NR1H4: variants seen among roughly 807,000 people sequenced by gnomAD.
NR1H4 encodes nuclear receptor subfamily 1 group H member 4.
Under a neutral mutation model 58.5 loss-of-function variants are expected in NR1H4, and 23 were observed. That is an observed-to-expected ratio of 0.39 (90% confidence interval 0.28 to 0.56). NR1H4 has a LOEUF of 0.56. Among genes scored for constraint, NR1H4 ranks in the 20% least tolerant of loss-of-function variants. The probability of loss-of-function intolerance (pLI) is 0.58; values close to 1 mark genes in which losing one functional copy is unlikely to be tolerated. For synonymous variants in NR1H4, 214 were observed against 198.0 expected, an observed-to-expected ratio of 1.08 and a Z score of -0.68; for missense variants, 487 against 576.9, an observed-to-expected ratio of 0.84 and a Z score of 1.60.
chr12:100,492,058 G>A (rs950206659), intron 1 of NR1H4, among the ~76,000 whole-genome samples: 4 of 152,192 alleles, frequency 2.6e-5, no homozygotes, highest in Non-Finnish European at 5.9e-5. Context: ...CATGGATCAT[G>A]AATGTTTATT....
Position 100,543,772 on chromosome 12 carries a change from G to A in NR1H4, c.1078+2954G>A, listed in dbSNP as rs1406027064. Reference sequence around the variant, plus strand: ...AATCAATAATTGACAGTTCAACTTAGGAAAGAATTAAAGGACAGGCTGAAT... The same window carrying A: ...AATCAATAATTGACAGTTCAACTTAAGAAAGAATTAAAGGACAGGCTGAAT... On this transcript the variant is annotated intron_variant, in intron 9 of 10. Transcript: ENST00000392986. Among the ~76,000 whole-genome samples, 6 of 152,060 alleles carry A rather than the reference G, an allele frequency of 3.9e-5. 1 individual carries two copies. Among genetic ancestry groups the A allele is most frequent in the Non-Finnish European group, 5.9e-5 (4 of 68,002 alleles).
intron 1 of NR1H4, among the ~76,000 whole-genome samples, chr12:100,491,929 C>T (rs1322560009): frequency 1.3e-5 from 2 of 152,120 alleles, no homozygotes; most frequent in Non-Finnish European, 2.9e-5. Context: ...CTCTTCACAT[C>T]CAAACCTCTC....
intron 6 of NR1H4, 136 bp from the exon 7 acceptor site, chr12:100,536,376 A>G: frequency 1.6e-6 from 1 of 638,506 alleles, no homozygotes. Flanking sequence ...CTCTCTTAGA[A>G]CTCATAGTTC....
chr12:100,496,139 G>T (rs970093814), intron 3 of NR1H4, among the ~76,000 whole-genome samples: 3 of 152,252 alleles, frequency 2.0e-5, no homozygotes, highest in South Asian at 2.1e-4. Context: ...CTGACAATAC[G>T]CTGGGCCTTG....
chr12:100,525,827 T>C (rs75936229), intron 4 of NR1H4, among the ~76,000 whole-genome samples: 2,690 of 152,320 alleles, frequency 0.018, 62 homozygotes, highest in African/African-American at 0.055. Flanking sequence ...TAGGCCTATT[T>C]TGATGACCAA....
At chr12:100,498,835 C>T (rs1478938093) in intron 3 of NR1H4, among the ~76,000 whole-genome samples, 2 of 152,132 alleles carry the variant, frequency 1.3e-5, no homozygotes, top group African/African-American at 4.8e-5. Context: ...CCTATACAAT[C>T]CCATTCACTT....
intron 4 of NR1H4, among the ~76,000 whole-genome samples, chr12:100,522,525 C>T (rs1167785404): frequency 6.6e-6 from 1 of 151,598 alleles, no homozygotes; most frequent in Non-Finnish European, 1.5e-5. Context: ...AGCTCTGTAC[C>T]TGGCACTCTT....
chr12:100,548,132 C>T (rs1318745520), intron 9 of NR1H4, among the ~76,000 whole-genome samples: 1 of 150,074 alleles, frequency 6.7e-6, no homozygotes, highest in East Asian at 2.0e-4. Context: ...CTTTGGGAGG[C>T]CGAGGCGGGT....
At chr12:100,507,430 G>A (rs563378710) in intron 3 of NR1H4, among the ~76,000 whole-genome samples, 1 of 151,602 alleles carries the variant, frequency 6.6e-6, no homozygotes, top group African/African-American at 2.4e-5. Context: ...AGACATACTC[G>A]TTTTTTTGTT....
chr12:100,475,124 C>CCCATCTATCTATCTAT (rs1555330006), intron 1 of NR1H4, among the ~76,000 whole-genome samples: 1 of 143,086 alleles, frequency 7.0e-6, no homozygotes, highest in Non-Finnish European at 1.5e-5. Flanking sequence ...AAGTGGTTTA[C>CCCATCTATCTATCTAT]CTATCTATCT....
At position 100,511,231 on chromosome 12, in the gene NR1H4, A is replaced by G. The variant is rs373637338; in HGVS notation, c.445+88A>G. 4.9e-5 allele frequency: 76 copies of G among 1,563,644 alleles called. No homozygotes were observed. In the East Asian group the frequency reaches 1.5e-3, roughly 31 times the overall value. On this transcript the variant is annotated intron_variant, in intron 4 of 10. Coordinates refer to ENST00000392986, the MANE Select transcript of NR1H4 (RefSeq NM_001206979.2). ...TTGAACTAATTGCTTCCCTTTTCCC[A>G]GGCAACTTCCCATTTTCTCCTCCTG...
At chr12:100,546,086 G>A (rs1367076133) in intron 9 of NR1H4, among the ~76,000 whole-genome samples, 1 of 152,118 alleles carries the variant, frequency 6.6e-6, no homozygotes, top group Non-Finnish European at 1.5e-5. Flanking sequence ...GTTGAGACAA[G>A]ACTGGTGAAA....
chr12:100,561,976 A>G lies in NR1H4; in HGVS notation c.1170A>G (p.Thr390=). The G allele has an allele frequency of 6.5e-7, 1 of 1,543,572 alleles. No individual in the cohort carries two copies. The highest frequency in any genetic ancestry group is 9.0e-7 in the Non-Finnish European group (1 of 1,115,972). ...CTCAAGAGGAGTATGCTCTGCTTAC[A>G]GCAATTGTTATCCTGTCTCCAGGTA... ...KMTQEEYALL[T]AIVILSPDRQ... The change falls in exon 10 of 11, where the codon ACA becomes ACG. Residue 390 remains threonine, a synonymous_variant. Transcript: ENST00000392986.
At chr12:100,489,103 C>A (rs144508209) in intron 1 of NR1H4, among the ~76,000 whole-genome samples, 2 of 152,122 alleles carry the variant, frequency 1.3e-5, no homozygotes, top group African/African-American at 4.8e-5. Context: ...CGTAATTAGA[C>A]AAATAATGTA....
chr12:100,535,062 A>G, intron 6 of NR1H4, 39 bp downstream of exon 6: 1 of 1,613,640 alleles, frequency 6.2e-7, no homozygotes, highest in South Asian at 1.1e-5. Context: ...ACTGGCAGGA[A>G]CTGAGTTTCT....
intron 4 of NR1H4, among the ~76,000 whole-genome samples, chr12:100,515,050 C>A (rs1004131321): frequency 9.9e-5 from 15 of 151,944 alleles, no homozygotes; most frequent in Non-Finnish European, 1.9e-4. Context: ...CACTGCTTTT[C>A]TCTCTTCGAA....
chr12:100,549,304 C>T (rs1211002027), intron 9 of NR1H4, among the ~76,000 whole-genome samples: 1 of 152,150 alleles, frequency 6.6e-6, no homozygotes, highest in Non-Finnish European at 1.5e-5. Context: ...TGCCACTGCA[C>T]TCCAGCCTGG....
chr12:100,474,310 C>T (rs1953222389), intron 1 of NR1H4, among the ~76,000 whole-genome samples: 1 of 152,210 alleles, frequency 6.6e-6, no homozygotes, highest in Non-Finnish European at 1.5e-5. Flanking sequence ...ACTCTTTTAA[C>T]ATTGTGGTCA....
At chr12:100,510,684 C>A in intron 3 of NR1H4, 94 bp from the exon 4 acceptor site, 1 of 1,271,710 alleles carries the variant, frequency 7.9e-7, no homozygotes, top group Non-Finnish European at 1.1e-6. Flanking sequence ...TCAATCTTTT[C>A]TTAGAGCCCA....
Sources: gnomAD v4.1 joint callset for allele counts (sites outside exome capture counted in the v4.1 genomes callset) on GRCh38, gnomAD v4.1.1 for gene constraint, MANE v1.5 for transcripts, NCBI Gene and HGNC (gene_info 2026-07-23, HGNC 2026-07-21) for gene names.